SLC41A2: variants seen among roughly 807,000 people sequenced by gnomAD.
SLC41A2 encodes the protein solute carrier family 41 member 2, also known as SLC41A1-like 1.
In SLC41A2, 32 loss-of-function variants were observed where a neutral mutation model predicts 58.3. The observed-to-expected ratio is 0.55, with a 90% confidence interval of 0.41 to 0.74. The LOEUF (loss-of-function observed/expected upper bound fraction) is 0.74, where lower values mean the gene tolerates loss of function less well. Ranked by LOEUF, SLC41A2 falls within the 30% of genes least tolerant of loss-of-function variation. The pLI, the probability that SLC41A2 is intolerant of heterozygous loss-of-function variation, is 0.00. For missense variants in SLC41A2, 514 were observed against 680.6 expected (o/e 0.76, Z 2.72); for synonymous variants, 190 against 235.0 (o/e 0.81, Z 1.75).
chr12:104,925,451 G>T (rs552461670), intron 2 of SLC41A2, among the ~76,000 whole-genome samples: 10 of 152,264 alleles, frequency 6.6e-5, no homozygotes, highest in African/African-American at 1.7e-4. Flanking sequence ...CCAGCTACTT[G>T]GGAGGCTGAG....
intron 1 of SLC41A2, among the ~76,000 whole-genome samples, chr12:104,953,062 C>T (rs1259722095): frequency 6.6e-6 from 1 of 152,224 alleles, no homozygotes; most frequent in Non-Finnish European, 1.5e-5. Context: ...AGGACCCATT[C>T]TTGTTCACCA....
At chr12:104,877,887 T>G (rs1456791998) in intron 6 of SLC41A2, among the ~76,000 whole-genome samples, 1 of 151,914 alleles carries the variant, frequency 6.6e-6, no homozygotes, top group Non-Finnish European at 1.5e-5. Context: ...GTAGTAGCTG[T>G]AGTCCCAGCT....
In SLC41A2 at chr12:104,805,124, G is replaced by A; in HGVS notation, c.*28C>T. ...TGGTTGTCGTGTATTTTCTTCCTTG[G>A]TAACTTGAGAGCAGTTTGTAGAATT... On this transcript the variant is annotated 3_prime_UTR_variant, in exon 11 of 11. Coordinates refer to ENST00000258538, the MANE Select transcript of SLC41A2 (RefSeq NM_001352171.3). 6.5e-7 allele frequency: 1 copy of A among 1,543,168 alleles called. No individual in the cohort carries two copies. Among genetic ancestry groups the A allele is most frequent in the Non-Finnish European group, 8.8e-7 (1 of 1,142,546 alleles).
At chr12:104,956,746 G>C (rs920243893) in intron 1 of SLC41A2, among the ~76,000 whole-genome samples, 1 of 152,068 alleles carries the variant, frequency 6.6e-6, no homozygotes, top group Non-Finnish European at 1.5e-5. Flanking sequence ...ATGGGTAAAA[G>C]ATATGAACAT....
At chr12:104,909,860 G>T (rs550209080) in intron 2 of SLC41A2, 98 bp from the exon 3 acceptor site, 1 of 767,718 alleles carries the variant, frequency 1.3e-6, no homozygotes, top group South Asian at 1.9e-5. Flanking sequence ...TCCCAACTTG[G>T]CATCTACATT....
At position 104,952,130 on chromosome 12, in the gene SLC41A2, T is replaced by C. The variant is rs996966559; in HGVS notation, c.-168+5958A>G. Among the ~76,000 whole-genome samples the C allele has an allele frequency of 2.6e-5, 4 of 152,202 alleles. No homozygotes were observed. In the South Asian group the frequency reaches 8.3e-4, roughly 31 times the overall value. On this transcript the variant is annotated intron_variant, in intron 1 of 10. Transcript: ENST00000258538. ...TTTCAACTGAGAAAAAAAATTTGAATGAAAACTTTTTCTTTGTCCCAAAGC... is the reference window on the plus strand; with the variant it reads ...TTTCAACTGAGAAAAAAAATTTGAACGAAAACTTTTTCTTTGTCCCAAAGC...
chr12:104,946,135 C>A (rs1245100394), intron 1 of SLC41A2, among the ~76,000 whole-genome samples: 1 of 152,092 alleles, frequency 6.6e-6, no homozygotes, highest in Non-Finnish European at 1.5e-5. Flanking sequence ...AGCATTATTC[C>A]CAGGGATTGA....
intron 6 of SLC41A2, among the ~76,000 whole-genome samples, chr12:104,869,920 A>G (rs1395475434): frequency 6.6e-6 from 1 of 152,230 alleles, no homozygotes; most frequent in African/African-American, 2.4e-5. Flanking sequence ...AAAATGTAAA[A>G]TCATCTTCCT....
intron 2 of SLC41A2, among the ~76,000 whole-genome samples, chr12:104,911,276 G>A (rs2046073660): frequency 6.6e-6 from 1 of 152,028 alleles, no homozygotes; most frequent in African/African-American, 2.4e-5. Flanking sequence ...AACCATATTG[G>A]GCACATGTTC....
chr12:104,937,802 A>T (rs1299094243), intron 1 of SLC41A2, among the ~76,000 whole-genome samples: 1 of 152,202 alleles, frequency 6.6e-6, no homozygotes, highest in East Asian at 1.9e-4. Context: ...TTTAAATGGT[A>T]TCCCAAAGGA....
intron 8 of SLC41A2, among the ~76,000 whole-genome samples, chr12:104,850,818 A>G (rs552297484): frequency 4.6e-5 from 7 of 152,358 alleles, no homozygotes; most frequent in Non-Finnish European, 7.3e-5. Context: ...AAAATGTTTA[A>G]AATATGTATC....
intron 3 of SLC41A2, among the ~76,000 whole-genome samples, chr12:104,895,705 C>A (rs2045246330): frequency 6.6e-6 from 1 of 152,060 alleles, no homozygotes; most frequent in African/African-American, 2.4e-5. Context: ...TAACTTTGAT[C>A]CACTAGCAGT....
chr12:104,948,448 T>C (rs1057140059), intron 1 of SLC41A2, among the ~76,000 whole-genome samples: 2 of 152,210 alleles, frequency 1.3e-5, no homozygotes, highest in Non-Finnish European at 2.9e-5. Flanking sequence ...ACATCAATAC[T>C]ATTTAAAGCA....
At chr12:104,928,788 C>G in intron 1 of SLC41A2, 94 bp from the exon 2 acceptor site, 1 of 290,806 alleles carries the variant, frequency 3.4e-6, no homozygotes, top group Non-Finnish European at 6.4e-6. Flanking sequence ...ATTAAAAACA[C>G]ATGTTCTTAA....
At chr12:104,883,399 T>A (rs57360248) in intron 6 of SLC41A2, among the ~76,000 whole-genome samples, 8,086 of 152,206 alleles carry the variant, frequency 0.053, 293 homozygotes, top group East Asian at 0.11. Flanking sequence ...AGAAGAGGCG[T>A]TCGGTTTTTA....
At chr12:104,939,053 T>C (rs1260579464) in intron 1 of SLC41A2, among the ~76,000 whole-genome samples, 1 of 152,248 alleles carries the variant, frequency 6.6e-6, no homozygotes, top group Non-Finnish European at 1.5e-5. Context: ...GGGCAGTCCT[T>C]TTCACTGAAC....
intron 3 of SLC41A2, among the ~76,000 whole-genome samples, chr12:104,906,429 G>A (rs2045854413): frequency 6.6e-6 from 1 of 152,088 alleles, no homozygotes; most frequent in African/African-American, 2.4e-5. Context: ...CTTTCAAAAT[G>A]CAGTACCTAT....
Position 104,846,780 on chromosome 12 carries a change from T to C in SLC41A2, c.1256-806A>G, listed in dbSNP as rs539569044. Among the ~76,000 whole-genome samples, 4 of 152,218 alleles carry C rather than the reference T, an allele frequency of 2.6e-5. No homozygotes were observed. In the South Asian group the frequency reaches 8.3e-4, roughly 32 times the overall value. The stretch of plus-strand genomic sequence containing the variant: ...AGCCGGAGCATGCCCATAAAGAAAG[T>C]TGAGGTTAGTGGTGAGCTGAGGGTA... On this transcript the variant is annotated intron_variant, in intron 8 of 10. Transcript: ENST00000258538.
At chr12:104,858,357 A>G (rs111390323) in intron 8 of SLC41A2, among the ~76,000 whole-genome samples, 1 of 152,220 alleles carries the variant, frequency 6.6e-6, no homozygotes, top group Non-Finnish European at 1.5e-5. Flanking sequence ...CTGGTTTTCA[A>G]TCGTGACTCA....
Sources: gnomAD v4.1 joint callset for allele counts (sites outside exome capture counted in the v4.1 genomes callset) on GRCh38, gnomAD v4.1.1 for gene constraint, MANE v1.5 for transcripts, NCBI Gene and HGNC (gene_info 2026-07-23, HGNC 2026-07-21) for gene names.